The following WRNIP1 variants were observed in gnomAD, a reference collection of about 807,000 sequenced individuals.
WRNIP1 encodes ATPase WRNIP1.
WRNIP1 carries 41 observed loss-of-function variants against 56.1 expected under a neutral mutation model. The ratio of observed to expected loss-of-function variants is 0.73; its 90% CI spans 0.57 to 0.95. The LOEUF (loss-of-function observed/expected upper bound fraction) is 0.95. Ranked by LOEUF, WRNIP1 falls within the 40% of genes least tolerant of loss-of-function variation. The probability of loss-of-function intolerance (pLI) is 0.00; values close to 1 mark genes in which losing one functional copy is unlikely to be tolerated. For synonymous variants in WRNIP1, 547 were observed against 398.1 expected (o/e 1.37, Z -4.45); for missense variants, 1,170 against 939.4 (o/e 1.25, Z -3.21).
At chr6:2,771,445 G>A (rs1433385597) in intron 3 of WRNIP1, among the ~76,000 whole-genome samples, 1 of 152,190 alleles carries the variant, frequency 6.6e-6, no homozygotes, top group African/African-American at 2.4e-5. Context: ...AGCAGTGTGT[G>A]GAACCTGTGG....
intron 1 of WRNIP1, 25 bp downstream of exon 1, chr6:2,766,469 C>G: frequency 6.7e-7 from 1 of 1,482,220 alleles, no homozygotes; most frequent in African/African-American, 1.4e-5. Context: ...GGCCGTTGGG[C>G]TTCCGTAGTT....
At position 2,765,711 on chromosome 6, in the gene WRNIP1, C is replaced by A. The variant is rs1350621244; in HGVS notation, c.89C>A (p.Ala30Glu). 6.5e-7 allele frequency: 1 copy of A among 1,545,242 alleles called. No homozygotes were observed. Among genetic ancestry groups the A allele is most frequent in the Non-Finnish European group, 8.7e-7 (1 of 1,154,190 alleles). ...CPVCQQMMPA[A>E]HINSHLDRCL... ...GTGTGCCAGCAGATGATGCCCGCCG[C>A]GCACATCAACTCGCACCTGGACCGC... is the stretch of plus-strand genomic sequence containing the variant. Residue 30 changes from alanine (A) to glutamate (E), a missense_variant, in exon 1 of 7, where the codon GCG (alanine) becomes GAG (glutamate). Transcript: ENST00000380773.
chr6:2,784,120 T>C (rs545484420), intron 5 of WRNIP1, among the ~76,000 whole-genome samples: 2 of 152,360 alleles, frequency 1.3e-5, no homozygotes, highest in African/African-American at 4.8e-5. Flanking sequence ...GAAACAGTTC[T>C]TAACACCACA....
intron 1 of WRNIP1, among the ~76,000 whole-genome samples, chr6:2,767,121 A>G (rs1269767912): frequency 6.6e-6 from 1 of 152,202 alleles, no homozygotes; most frequent in Non-Finnish European, 1.5e-5. Flanking sequence ...ACATCCGTGC[A>G]TTTTGGTGTC....
intron 4 of WRNIP1, among the ~76,000 whole-genome samples, chr6:2,783,049 G>A (rs1765601669): frequency 6.7e-6 from 1 of 149,242 alleles, no homozygotes; most frequent in Non-Finnish European, 1.5e-5. Context: ...TAGATGGTGG[G>A]CCACGGGATA....
At chr6:2,784,781 TA>T (rs879439318) in intron 6 of WRNIP1, among the ~76,000 whole-genome samples, 48 of 147,080 alleles carry the variant, frequency 3.3e-4, no homozygotes, top group Admixed American at 5.4e-4. Flanking sequence ...GTCCTTCAGT[TA>T]AAAAAAAAAA....
At chr6:2,780,885 C>CA (rs1247213192) in intron 4 of WRNIP1, among the ~76,000 whole-genome samples, 2 of 152,192 alleles carry the variant, frequency 1.3e-5, no homozygotes, top group Non-Finnish European at 2.9e-5. Flanking sequence ...ATCCATATAA[C>CA]ATGGCATTCA....
intron 3 of WRNIP1, among the ~76,000 whole-genome samples, chr6:2,776,951 G>T (rs1215260781): frequency 1.3e-5 from 2 of 152,164 alleles, no homozygotes; most frequent in Non-Finnish European, 2.9e-5. Context: ...TGACAGGTCT[G>T]AGTAGCTTGT....
At chr6:2,769,789 A>G in intron 2 of WRNIP1, among the ~76,000 whole-genome samples, 1 of 152,226 alleles carries the variant, frequency 6.6e-6, no homozygotes, top group Non-Finnish European at 1.5e-5. Context: ...CATATAAGCT[A>G]TGTGCCAGTT....
chr6:2,783,503 A>T lies in WRNIP1; in HGVS notation c.1584A>T (p.Gly528=). 1.2e-6 allele frequency: 2 copies of T among 1,613,484 alleles called. No individual in the cohort carries two copies. The highest frequency in any genetic ancestry group is 8.5e-7 in the Non-Finnish European group (1 of 1,179,814). The change falls in exon 5 of 7, where the codon GGA becomes GGT. Residue 528 remains glycine, a synonymous_variant. Transcript: ENST00000380773. ...ACTGGCTGGCTCGCATGCTCGAGGGAGGAGAGGACCCACTCTACGTGGCAC... is the reference window on the plus strand; with the variant it reads ...ACTGGCTGGCTCGCATGCTCGAGGGTGGAGAGGACCCACTCTACGTGGCAC... The part of the protein sequence containing the change: ...SLYWLARMLE[G]GEDPLYVARR...
chr6:2,765,423 C>A lies in WRNIP1; in HGVS notation c.-200C>A. The A allele has an allele frequency of 1.9e-6, 1 of 525,772 alleles. No homozygotes were observed. Among genetic ancestry groups the A allele is most frequent in the Non-Finnish European group, 2.8e-6 (1 of 359,554 alleles). The allele number at this position is 525,772 out of a possible 1,614,324, so 32.6% of individuals were successfully genotyped here. On this transcript the variant is annotated 5_prime_UTR_variant, in exon 1 of 7. Transcript: ENST00000380773. ...TCCCGACACGCCGCGTGAGGCGCTGCCAGCGGCCGGCCGAGGGCGGGCGGA... is the reference window on the plus strand; with the variant it reads ...TCCCGACACGCCGCGTGAGGCGCTGACAGCGGCCGGCCGAGGGCGGGCGGA...
Position 2,766,613 on chromosome 6 carries a change from T to C in WRNIP1, c.822+169T>C, listed in dbSNP as rs551508392. Among the ~76,000 whole-genome samples the C allele has an allele frequency of 7.9e-5, 12 of 152,308 alleles. 1 individual carries two copies. The South Asian group carries it at 2.5e-3, about 32-fold the overall frequency. ...CAGTGCCTGGTCCACAGGTGGAGTC[T>C]GTGATGGGTGTGAAAAGGGCACACA... On this transcript the variant is annotated intron_variant, in intron 1 of 6. Transcript: ENST00000380773.
Position 2,766,209 on chromosome 6 carries a change from C to T in WRNIP1, c.587C>T (p.Ala196Val). ...CACTGGGACGCGGACGCTGCCGAAG[C>T]CGCCACCGCCTTCGGGGCCAGTGGC... ...PGHWDADAAE[A>V]ATAFGASGGG... The change falls in exon 1 of 7, where the codon GCC becomes GTC. Residue 196 changes from alanine (A) to valine (V), a missense_variant. Coordinates refer to ENST00000380773, the MANE Select transcript of WRNIP1 (RefSeq NM_020135.3). 6.9e-7 allele frequency: 1 copy of T among 1,453,904 alleles called. No homozygotes were observed. The highest frequency in any genetic ancestry group is 1.4e-5 in the South Asian group (1 of 72,296). 90.1% of individuals were successfully genotyped at this position (1,453,904 alleles called of 1,614,324 possible).
chr6:2,769,249 A>T (rs1243144369), intron 2 of WRNIP1, among the ~76,000 whole-genome samples: 1 of 152,232 alleles, frequency 6.6e-6, no homozygotes, highest in Non-Finnish European at 1.5e-5. Context: ...TTACTTTAAC[A>T]GTATTTTTAT....
At chr6:2,768,043 C>T (rs1231217555) in intron 1 of WRNIP1, among the ~76,000 whole-genome samples, 2 of 152,198 alleles carry the variant, frequency 1.3e-5, no homozygotes, top group East Asian at 1.9e-4. Context: ...ATATTAATAA[C>T]AGCATATACA....
intron 3 of WRNIP1, among the ~76,000 whole-genome samples, chr6:2,770,730 T>G (rs1765249260): frequency 6.6e-6 from 1 of 152,198 alleles, no homozygotes; most frequent in South Asian, 2.1e-4. Context: ...GATAAATACT[T>G]TCTAGACTTA....
Position 2,765,922 on chromosome 6 carries a change from C to A in WRNIP1, c.300C>A (p.Asp100Glu). The part of the protein sequence containing the change: ...ESSEGEGEEG[D>E]DGGETESRES... ...GCGAGGGCGAGGGTGAGGAGGGCGA[C>A]GACGGCGGCGAGACCGAGAGCCGCG... is the stretch of plus-strand genomic sequence containing the variant. The change falls in exon 1 of 7, where the codon GAC (aspartate) becomes GAA (glutamate). Residue 100 changes from aspartate to glutamate, a missense_variant. Transcript: ENST00000380773. 1 of 1,452,162 alleles carries A rather than the reference C, an allele frequency of 6.9e-7. No homozygotes were observed. Among genetic ancestry groups the A allele is most frequent in the Non-Finnish European group, 9.1e-7 (1 of 1,103,612 alleles). The allele number at this position is 1,452,162 out of a possible 1,614,324, so 90.0% of individuals were successfully genotyped here.
At chr6:2,775,487 G>A (rs1360237134) in intron 3 of WRNIP1, among the ~76,000 whole-genome samples, 1 of 152,168 alleles carries the variant, frequency 6.6e-6, no homozygotes, top group Non-Finnish European at 1.5e-5. Flanking sequence ...GATTTGTGGG[G>A]TTTGGTTTGT....
Position 2,765,578 on chromosome 6 carries a change from G to T in WRNIP1, c.-45G>T, listed in dbSNP as rs1045469699. ...GCATCGAAGGCCTCCGCGTGCGCAC[G>T]GGTTGCTGCGGCCGCGCCGGGCGCC... On this transcript the variant is annotated 5_prime_UTR_variant, in exon 1 of 7. Coordinates refer to ENST00000380773, the MANE Select transcript of WRNIP1 (RefSeq NM_020135.3). The T allele has an allele frequency of 1.4e-6, 2 of 1,432,320 alleles. No individual in the cohort carries two copies. The highest frequency in any genetic ancestry group is 1.5e-5 in the African/African-American group (1 of 67,002). 88.7% of individuals were successfully genotyped at this position (1,432,320 alleles called of 1,614,324 possible).
Sources: allele counts gnomAD v4.1 joint callset (sites outside exome capture counted in the v4.1 genomes callset), GRCh38; gene constraint gnomAD v4.1.1; transcripts MANE v1.5; gene names NCBI Gene and HGNC (gene_info 2026-07-23, HGNC 2026-07-21).